Variants in ATP13A3 observed in about 807,000 individuals in gnomAD.
ATP13A3 encodes the protein ATPase 13A3.
In ATP13A3, 59 loss-of-function variants were observed where a neutral mutation model predicts 158.1. The observed-to-expected ratio is 0.37, with a 90% confidence interval of 0.30 to 0.46. The LOEUF (loss-of-function observed/expected upper bound fraction) is 0.46, where lower values mean the gene tolerates loss of function less well. ATP13A3 is among the 20% of genes least tolerant of loss of function. ATP13A3 has a pLI of 1.00. For synonymous variants in ATP13A3, 491 were observed against 504.3 expected, an observed-to-expected ratio of 0.97 and a Z score of 0.35; for missense variants, 1,166 against 1,525.2, an observed-to-expected ratio of 0.76 and a Z score of 3.92.
chr3:194,490,283 A>T (rs1228275823), upstream of ATP13A3, among the ~76,000 whole-genome samples: 1 of 152,166 alleles, frequency 6.6e-6, no homozygotes, highest in East Asian at 1.9e-4. The surrounding 1 kb of genome is among the most constrained non-coding windows in gnomAD (Gnocchi z 4.4). Flanking sequence ...CCTCCTCCTA[A>T]CAGAGCTAGC....
intron 21 of ATP13A3, among the ~76,000 whole-genome samples, chr3:194,432,692 G>A (rs1363432453): frequency 1.3e-5 from 2 of 152,158 alleles, no homozygotes; most frequent in East Asian, 3.9e-4. Context: ...TGAGTTATAC[G>A]GTAAAATTAT....
At chr3:194,454,564 C>G (rs976653253) in intron 8 of ATP13A3, among the ~76,000 whole-genome samples, 172 bp from the exon 9 acceptor site, 3 of 152,218 alleles carry the variant, frequency 2.0e-5, no homozygotes, top group East Asian at 1.9e-4. Flanking sequence ...CGCGGTGGCT[C>G]ACGCCTGTAA....
chr3:194,441,532 C>A, intron 15 of ATP13A3, 71 bp from the exon 16 acceptor site: 3 of 1,385,492 alleles, frequency 2.2e-6, no homozygotes, highest in Non-Finnish European at 2.0e-6. Flanking sequence ...CAGGGCTTTT[C>A]TGGTTTTGTA....
upstream of ATP13A3, among the ~76,000 whole-genome samples, chr3:194,489,379 G>T (rs1432361805): frequency 6.6e-6 from 1 of 152,182 alleles, no homozygotes; most frequent in Non-Finnish European, 1.5e-5. The surrounding 1 kb of genome is among the most constrained non-coding windows in gnomAD (Gnocchi z 4.1). Flanking sequence ...GGAGATGGAG[G>T]TTGCAGTGGG....
At chr3:194,439,883 T>A (rs1007861569) in intron 16 of ATP13A3, among the ~76,000 whole-genome samples, 2 of 152,198 alleles carry the variant, frequency 1.3e-5, no homozygotes, top group East Asian at 3.9e-4. Flanking sequence ...TCTATTCAGT[T>A]GGAGAAAAGC....
chr3:194,410,301 A>AC (rs1715276031), intron 33 of ATP13A3, among the ~76,000 whole-genome samples: 6 of 132,186 alleles, frequency 4.5e-5, no homozygotes, highest in Non-Finnish European at 9.6e-5. Flanking sequence ...CTCTGCAAAA[A>AC]AAAAAAAAAA....
At chr3:194,438,365 T>G (rs1160186979) in intron 17 of ATP13A3, among the ~76,000 whole-genome samples, 2 of 152,154 alleles carry the variant, frequency 1.3e-5, no homozygotes, top group African/African-American at 4.8e-5. Flanking sequence ...GGGAATATAT[T>G]TAAAAATTCA....
intron 28 of ATP13A3, among the ~76,000 whole-genome samples, chr3:194,427,863 A>G (rs1388973407): frequency 6.6e-6 from 1 of 152,156 alleles, no homozygotes; most frequent in Non-Finnish European, 1.5e-5. Context: ...ACATAGCAGA[A>G]ACATTTTTCA....
chr3:194,435,301 T>C (rs182055735), intron 20 of ATP13A3, among the ~76,000 whole-genome samples: 246 of 152,334 alleles, frequency 1.6e-3, no homozygotes, highest in Non-Finnish European at 1.8e-3. Context: ...TAAGCCGCTT[T>C]CCTTCAGGCC....
intron 2 of ATP13A3, among the ~76,000 whole-genome samples, chr3:194,467,299 T>A (rs1720050730): frequency 6.6e-6 from 1 of 152,238 alleles, no homozygotes; most frequent in South Asian, 2.1e-4. Context: ...TCACTTCATC[T>A]TCTACAGTTA....
intron 2 of ATP13A3, chr3:194,467,850 G>A (rs1369959328): frequency 6.6e-6 from 1 of 152,074 alleles, no homozygotes; most frequent in South Asian, 2.1e-4. Flanking sequence ...GACATTTGAA[G>A]CATTAATACC....
chr3:194,440,532 A>C (rs1201365323), intron 16 of ATP13A3, among the ~76,000 whole-genome samples: 1 of 152,218 alleles, frequency 6.6e-6, no homozygotes, highest in East Asian at 1.9e-4. Flanking sequence ...ACAAGCCTTC[A>C]CGATCAGAAA....
At position 194,453,280 on chromosome 3, in the gene ATP13A3, T is replaced by TAA. The variant is rs35230118; in HGVS notation, c.838+424_838+425dup. ...TGCAACAGTGAGACCACATCGACTT[T>TAA]AAAAAAAAAAAAAAAAAAAAAAAGG... is the stretch of plus-strand genomic sequence containing the variant. On this transcript the variant is annotated intron_variant, in intron 10 of 33. Transcript: ENST00000645319. Among the ~76,000 whole-genome samples the TAA allele has an allele frequency of 1.7e-3, 167 of 100,912 alleles. 2 individuals are homozygous for TAA. Among genetic ancestry groups the TAA allele is most frequent in the Non-Finnish European group, 2.1e-3 (104 of 49,624 alleles). 66.2% of individuals were successfully genotyped at this position (100,912 alleles called of 152,430 possible).
chr3:194,441,825 C>T (rs944740517), intron 15 of ATP13A3, among the ~76,000 whole-genome samples: 15 of 152,142 alleles, frequency 9.9e-5, no homozygotes, highest in African/African-American at 3.6e-4. Flanking sequence ...GAGCTACACG[C>T]CCTTGGGAAA....
intron 15 of ATP13A3, among the ~76,000 whole-genome samples, chr3:194,442,815 A>G (rs61641733): frequency 6.6e-6 from 1 of 152,318 alleles, no homozygotes; most frequent in East Asian, 1.9e-4. Context: ...ATATTCTTCA[A>G]GCAACCAGAG....
intron 20 of ATP13A3, among the ~76,000 whole-genome samples, chr3:194,436,778 G>A (rs1717669212): frequency 6.6e-6 from 1 of 152,168 alleles, no homozygotes; most frequent in Non-Finnish European, 1.5e-5. Context: ...AACCGGGGAG[G>A]TGGAGGTTGC....
chr3:194,419,317 C>T (rs1716120149), intron 31 of ATP13A3, among the ~76,000 whole-genome samples: 1 of 151,994 alleles, frequency 6.6e-6, no homozygotes, highest in African/African-American at 2.4e-5. Flanking sequence ...CATGAGAGTG[C>T]CTTATTGATT....
intron 24 of ATP13A3, 55 bp downstream of exon 24, chr3:194,430,888 G>A: frequency 7.3e-7 from 1 of 1,378,780 alleles, no homozygotes; most frequent in South Asian, 1.4e-5. Context: ...TTCTGATGCT[G>A]AAATGAAACC....
At chr3:194,479,250 A>AT (rs1214477417) in intron 2 of ATP13A3, among the ~76,000 whole-genome samples, 2 of 152,204 alleles carry the variant, frequency 1.3e-5, no homozygotes, top group East Asian at 3.8e-4. Context: ...TGAAAAGTAC[A>AT]TTTTCATATC....
Sources: gnomAD v4.1 joint callset for allele counts (sites outside exome capture counted in the v4.1 genomes callset) on GRCh38, gnomAD v4.1.1 for gene constraint, Gnocchi (gnomAD v3.1) non-coding constraint, MANE v1.5 for transcripts, NCBI Gene and HGNC (gene_info 2026-07-23, HGNC 2026-07-21) for gene names.